The following RAB1A variants were observed in gnomAD, a reference collection of about 807,000 sequenced individuals.
RAB1A encodes RAB1A, member RAS oncogene family.
Under a neutral mutation model 26.0 loss-of-function variants are expected in RAB1A, and 2 were observed. The observed-to-expected ratio is 0.08, with a 90% CI of 0.03 to 0.24. RAB1A has a LOEUF of 0.24. Ranked by LOEUF, RAB1A falls within the 10% of genes least tolerant of loss-of-function variation. The pLI is 1.00. For synonymous variants in RAB1A, 84 were observed against 84.9 expected (o/e 0.99, Z 0.06); for missense variants, 100 against 247.0 (o/e 0.40, Z 3.99).
At chr2:65,095,992 A>C (rs1669274280) in intron 3 of RAB1A, among the ~76,000 whole-genome samples, 1 of 152,122 alleles carries the variant, frequency 6.6e-6, no homozygotes, top group African/African-American at 2.4e-5. Context: ...TCTCTACTAA[A>C]AATACAAAAA....
At chr2:65,093,973 TTC>T (rs1314483938) in intron 3 of RAB1A, among the ~76,000 whole-genome samples, 4 of 64,576 alleles carry the variant, frequency 6.2e-5, no homozygotes, top group African/African-American at 1.2e-4. Context: ...TGAGACCCTC[TTC>T]TTTTTTTTTT....
chr2:65,090,635 GTTAATAC>G (rs1669152967), intron 4 of RAB1A, among the ~76,000 whole-genome samples: 1 of 152,154 alleles, frequency 6.6e-6, no homozygotes. Flanking sequence ...CCATATTCCT[GTTAATAC>G]TTAACACCAA....
chr2:65,100,721 T>C (rs1421310534), intron 2 of RAB1A, among the ~76,000 whole-genome samples: 2 of 143,330 alleles, frequency 1.4e-5, no homozygotes, highest in Non-Finnish European at 3.0e-5. Flanking sequence ...ATTGCACGAC[T>C]GCACTCCAGC....
At chr2:65,122,802 C>G (rs2103882389) in intron 1 of RAB1A, among the ~76,000 whole-genome samples, 1 of 151,824 alleles carries the variant, frequency 6.6e-6, no homozygotes, top group South Asian at 2.1e-4. Flanking sequence ...AACCCCATCT[C>G]TACTAAAAAA....
chr2:65,106,323 CA>C, intron 1 of RAB1A: 2 of 281,020 alleles, frequency 7.1e-6, no homozygotes, highest in East Asian at 1.3e-4. Context: ...GATTTACTTT[CA>C]AAAATATGCT....
At chr2:65,109,356 AATAAT>A (rs1573079220) in intron 1 of RAB1A, among the ~76,000 whole-genome samples, 1 of 152,276 alleles carries the variant, frequency 6.6e-6, no homozygotes, top group East Asian at 1.9e-4. Flanking sequence ...TTTATCCTAC[AATAAT>A]ATAATTTTGA....
chr2:65,098,460 C>G (rs1558578387), intron 2 of RAB1A, among the ~76,000 whole-genome samples: 1 of 152,128 alleles, frequency 6.6e-6, no homozygotes, highest in Non-Finnish European at 1.5e-5. Flanking sequence ...ACCCACCCAC[C>G]CAATTTATTC....
At position 65,088,857 on chromosome 2, in the gene RAB1A, G is replaced by A. The variant is rs893755177; in HGVS notation, c.420+82C>T. On this transcript the variant is annotated intron_variant, in intron 5 of 5. Coordinates refer to ENST00000409784, the MANE Select transcript of RAB1A (RefSeq NM_004161.5). ...ATTCTAGTGCACATATTTTTAAAAG[G>A]CTGTGGCCTTACTGTTACTGCAGAA... 23 of 1,423,518 alleles carry A rather than the reference G, an allele frequency of 1.6e-5. No homozygotes were observed. In the Admixed American group the frequency reaches 5.0e-4, roughly 31 times the overall value. The allele number at this position is 1,423,518 out of a possible 1,614,324, so 88.2% of individuals were successfully genotyped here.
chr2:65,098,141 ACTGTTGTTCAAGAGTAAAT>A, intron 2 of RAB1A, 75 bp from the exon 3 acceptor site: 3 of 833,928 alleles, frequency 3.6e-6, no homozygotes, highest in Non-Finnish European at 5.3e-6. Flanking sequence ...AAAAAAAAAA[ACTGTTGTTCAAGAGTAAAT>A]AAAAAAAAAG....
chr2:65,125,141 A>G (rs1290336248), intron 1 of RAB1A, among the ~76,000 whole-genome samples: 2 of 151,612 alleles, frequency 1.3e-5, no homozygotes, highest in Non-Finnish European at 2.9e-5. Context: ...GAGATTCTGG[A>G]GCCATGATAT....
At chr2:65,129,090 T>C (rs531481240) in intron 1 of RAB1A, among the ~76,000 whole-genome samples, 1 of 151,710 alleles carries the variant, frequency 6.6e-6, no homozygotes, top group East Asian at 1.9e-4. Flanking sequence ...TCTTTCAACT[T>C]GACAGCAAGC....
intron 1 of RAB1A, among the ~76,000 whole-genome samples, chr2:65,110,631 T>C (rs993385001): frequency 6.6e-6 from 1 of 152,050 alleles, no homozygotes; most frequent in Admixed American, 6.6e-5. Context: ...CCAGTAGCAC[T>C]ACATTAATAA....
intron 1 of RAB1A, among the ~76,000 whole-genome samples, chr2:65,125,863 CCTTT>C (rs1360540242): frequency 2.5e-5 from 3 of 121,964 alleles, no homozygotes; most frequent in Non-Finnish European, 3.3e-5. Flanking sequence ...CTTTCAATTG[CCTTT>C]TTTTTTTTTT....
At chr2:65,123,976 A>C (rs1325491205) in intron 1 of RAB1A, among the ~76,000 whole-genome samples, 1 of 151,990 alleles carries the variant, frequency 6.6e-6, no homozygotes, top group Admixed American at 6.6e-5. Flanking sequence ...AATTTGATTA[A>C]AGGGGGAAAT....
chr2:65,122,707 T>C (rs1669995916), intron 1 of RAB1A, among the ~76,000 whole-genome samples: 1 of 151,976 alleles, frequency 6.6e-6, no homozygotes, highest in South Asian at 2.1e-4. Flanking sequence ...CCAGACGTGG[T>C]GGCTCACGCC....
intron 2 of RAB1A, among the ~76,000 whole-genome samples, chr2:65,103,036 A>G (rs1452485618): frequency 6.6e-6 from 1 of 151,752 alleles, no homozygotes; most frequent in African/African-American, 2.4e-5. Flanking sequence ...CCAACACACT[A>G]GCCAGTATGC....
At chr2:65,109,270 C>T (rs1253322216) in intron 1 of RAB1A, among the ~76,000 whole-genome samples, 11 of 152,034 alleles carry the variant, frequency 7.2e-5, no homozygotes, top group Admixed American at 6.6e-4. Context: ...GTACAAAGAG[C>T]CAAGACTAAT....
intron 5 of RAB1A, 50 bp downstream of exon 5, chr2:65,088,889 C>A (rs908421451): frequency 2.6e-6 from 4 of 1,544,460 alleles, no homozygotes; most frequent in Admixed American, 3.9e-5. Context: ...AGAACCCATA[C>A]ATAATTCAAC....
intron 1 of RAB1A, among the ~76,000 whole-genome samples, chr2:65,125,199 T>C (rs1003477072): frequency 2.6e-5 from 4 of 152,178 alleles, no homozygotes; most frequent in African/African-American, 9.7e-5. Flanking sequence ...TTAAACTTTT[T>C]CTGCATTAAA....
Sources: gnomAD v4.1 joint callset for allele counts (sites outside exome capture counted in the v4.1 genomes callset) on GRCh38, gnomAD v4.1.1 for gene constraint, MANE v1.5 for transcripts, NCBI Gene and HGNC (gene_info 2026-07-23, HGNC 2026-07-21) for gene names.